DCAF17: variants seen among roughly 807,000 people sequenced by gnomAD.
DCAF17 encodes the protein DDB1- and CUL4-associated factor 17.
Under a neutral mutation model 66.0 loss-of-function variants are expected in DCAF17, and 48 were observed. The observed-to-expected ratio is 0.73, with a 90% CI of 0.58 to 0.92. The LOEUF is 0.92. Among genes scored for constraint, DCAF17 ranks in the 40% least tolerant of loss-of-function variants. DCAF17 has a pLI of 0.00. For synonymous variants in DCAF17, 206 were observed against 214.6 expected (o/e 0.96, Z 0.35); for missense variants, 562 against 622.8 (o/e 0.90, Z 1.04).
At chr2:171,469,960 A>G (rs1228539247) in intron 9 of DCAF17, among the ~76,000 whole-genome samples, 6 of 151,708 alleles carry the variant, frequency 4.0e-5, no homozygotes, top group Non-Finnish European at 8.8e-5. Context: ...AAAATCACTC[A>G]AGCTTTAATT....
intron 8 of DCAF17, among the ~76,000 whole-genome samples, chr2:171,468,039 A>ATTT (rs1696026528): frequency 6.6e-6 from 1 of 152,166 alleles, no homozygotes; most frequent in Admixed American, 6.6e-5. Context: ...ACCTGCCCAA[A>ATTT]CAGACCATGT....
At chr2:171,457,942 C>T in intron 6 of DCAF17, 29 bp from the exon 7 acceptor site, 1 of 1,540,532 alleles carries the variant, frequency 6.5e-7, no homozygotes, top group Non-Finnish European at 9.0e-7. Flanking sequence ...AGTCTTTTCT[C>T]AGGTGATATC....
chr2:171,452,654 A>G (rs986436133), intron 5 of DCAF17, among the ~76,000 whole-genome samples: 1 of 151,950 alleles, frequency 6.6e-6, no homozygotes, highest in Admixed American at 6.6e-5. Flanking sequence ...AGGTCTCACT[A>G]TTTCTACAGT....
At chr2:171,437,496 T>C (rs947080521) in intron 2 of DCAF17, among the ~76,000 whole-genome samples, 1 of 152,226 alleles carries the variant, frequency 6.6e-6, no homozygotes, top group African/African-American at 2.4e-5. Context: ...ACTGCTGCTG[T>C]GTTATTTCTT....
At chr2:171,460,869 T>G (rs1416501301) in intron 8 of DCAF17, among the ~76,000 whole-genome samples, 1 of 152,140 alleles carries the variant, frequency 6.6e-6, no homozygotes, top group East Asian at 1.9e-4. Context: ...TCTCTGGGCC[T>G]CAAATTTTGA....
Position 171,482,190 on chromosome 2 carries a change from T to G in DCAF17, c.*1076T>G. The G allele has an allele frequency of 2.2e-6, 1 of 452,466 alleles. No individual in the cohort carries two copies. The highest frequency in any genetic ancestry group is 1.6e-5 in the South Asian group (1 of 63,636). The allele number at this position is 452,466 out of a possible 1,614,324, so 28.0% of individuals were successfully genotyped here. A position where few individuals can be genotyped will look rare whatever the true frequency, so the allele number is the denominator to read the frequency against. ...AGAAAATGTTTCTTTGTGCTTCCTG[T>G]TTGAGAAATTCAGTTGCTTCCATTT... On this transcript the variant is annotated 3_prime_UTR_variant, in exon 14 of 14. Transcript: ENST00000375255.
In DCAF17 at chr2:171,468,283, T is replaced by C. The variant is rs17220817; in HGVS notation, c.839-605T>C. ...ACTACCTTAAAGTTAACTTGTCTGA[T>C]GATAATAGTGGTAGTAGTGACTATC... On this transcript the variant is annotated intron_variant, in intron 8 of 13. Transcript: ENST00000375255. Among the ~76,000 whole-genome samples the C allele has an allele frequency of 3.3e-3, 510 of 152,250 alleles. 4 individuals carry two copies. The highest frequency in any genetic ancestry group is 5.7e-3 in the Non-Finnish European group (391 of 68,010).
In DCAF17 at chr2:171,458,050, A is replaced by G. The variant is rs369174398; in HGVS notation, c.707A>G (p.Tyr236Cys). The G allele has an allele frequency of 6.6e-5, 106 of 1,613,936 alleles. No homozygotes were observed. Among genetic ancestry groups the G allele is most frequent in the Non-Finnish European group, 8.7e-5 (103 of 1,179,964 alleles). The change falls in exon 7 of 14, where the codon TAT becomes TGT. Residue 236 changes from tyrosine to cysteine, a missense_variant. Physicochemically the swap from Tyr to Cys is radical, Grantham distance 194. Transcript: ENST00000375255. ...TACAGCTCAGGACTGGTCAGACTCT[A>G]TAGCTTCCAAACCATCGCTGAACAG... Reference protein sequence around the residue: ...VMYSSGLVRLYSFQTIAEQFM... With the variant: ...VMYSSGLVRLCSFQTIAEQFM...
Position 171,473,770 on chromosome 2 carries a change from GTA to G in DCAF17, c.982-95_982-94del. 4.2e-6 allele frequency: 4 copies of G among 947,412 alleles called. No individual in the cohort carries two copies. In the South Asian group the frequency reaches 5.6e-5, roughly 13 times the overall value. The allele number at this position is 947,412 out of a possible 1,614,324, so 58.7% of individuals were successfully genotyped here. A position where few individuals can be genotyped will look rare whatever the true frequency, so the allele number is the denominator to read the frequency against. ...AACTGGTTAATATTTTTTCTTCCGT[GTA>G]CCTTTGACCTACTGATCTATCACTT... On this transcript the variant is annotated intron_variant, in intron 9 of 13. Coordinates refer to ENST00000375255, the MANE Select transcript of DCAF17 (RefSeq NM_025000.4).
chr2:171,469,011 C>A lies in DCAF17; in HGVS notation c.962C>A (p.Ala321Asp), dbSNP rs919887099. 6.2e-7 allele frequency: 1 copy of A among 1,614,020 alleles called. No homozygotes were observed. Among genetic ancestry groups the A allele is most frequent in the Non-Finnish European group, 8.5e-7 (1 of 1,179,954 alleles). The change falls in exon 9 of 14, where the codon GCC (alanine) becomes GAC (aspartate). Residue 321 changes from alanine (A) to aspartate (D), a missense_variant. Transcript: ENST00000375255. Reference sequence around the variant, plus strand: ...CAGAAAGGAGTTTTCCATATTTGTGCCCTAAAAGACAATTCCCTGGTAAAT... The same window carrying A: ...CAGAAAGGAGTTTTCCATATTTGTGACCTAAAAGACAATTCCCTGGTAAAT... Reference protein sequence around the residue: ...KKQKGVFHICALKDNSLAKNG... With the variant: ...KKQKGVFHICDLKDNSLAKNG...
rs1191874443 is a variant in DCAF17 at position 171,480,256 on chromosome 2, A to G, written c.1422+63A>G. On this transcript the variant is annotated intron_variant, in intron 13 of 13. Coordinates refer to ENST00000375255, the MANE Select transcript of DCAF17 (RefSeq NM_025000.4). ...TCCTTTATAGGTGCCATTTATTAGA[A>G]CAGATGTTATTGTGTTCATGTCAGT... is the stretch of plus-strand genomic sequence containing the variant. 1.4e-5 allele frequency: 22 copies of G among 1,581,708 alleles called. 1 individual carries two copies. Among genetic ancestry groups the G allele is most frequent in the Middle Eastern group, 3.4e-4 (2 of 5,904 alleles).
chr2:171,478,868 T>C (rs943878232), intron 12 of DCAF17, among the ~76,000 whole-genome samples: 1 of 152,198 alleles, frequency 6.6e-6, no homozygotes, highest in Non-Finnish European at 1.5e-5. Flanking sequence ...CAACATACTC[T>C]GCATATAAAA....
chr2:171,478,575 C>G (rs745431606), intron 12 of DCAF17, among the ~76,000 whole-genome samples: 4 of 152,138 alleles, frequency 2.6e-5, no homozygotes, highest in Non-Finnish European at 5.9e-5. Flanking sequence ...ATTTTTATCC[C>G]CTTCCTTTAA....
chr2:171,480,496 A>C (rs1038128980), intron 13 of DCAF17, among the ~76,000 whole-genome samples: 7 of 152,194 alleles, frequency 4.6e-5, no homozygotes, highest in African/African-American at 1.7e-4. Flanking sequence ...AATTTTTTAA[A>C]ATAAGAGAAT....
Position 171,484,471 on chromosome 2 carries a change from A to G in DCAF17, c.*3357A>G, listed in dbSNP as rs1574415735. ...ACTCTACTTGTTTTATTATTTTCCT[A>G]TCCAGCGTACTTTTTGATGGATTTC... On this transcript the variant is annotated 3_prime_UTR_variant, in exon 14 of 14. Transcript: ENST00000375255. 2.3e-6 allele frequency: 1 copy of G among 441,304 alleles called. No individual in the cohort carries two copies. Among genetic ancestry groups the G allele is most frequent in the African/African-American group, 2.0e-5 (1 of 49,266 alleles). The allele number at this position is 441,304 out of a possible 1,614,324, so 27.3% of individuals were successfully genotyped here.
chr2:171,468,831 A>G, intron 8 of DCAF17, 57 bp from the exon 9 acceptor site: 1 of 1,610,876 alleles, frequency 6.2e-7, no homozygotes, highest in Non-Finnish European at 8.5e-7. Flanking sequence ...CAGTTAATGA[A>G]TAGTCCAGAG....
In DCAF17 at chr2:171,483,708, A is replaced by G. The variant is rs1379589825; in HGVS notation, c.*2594A>G. On this transcript the variant is annotated 3_prime_UTR_variant, in exon 14 of 14. Transcript: ENST00000375255. The stretch of plus-strand genomic sequence containing the variant: ...TATCTACTAGTCACTGTGATACAGT[A>G]TAAGTAAAGTGGGTTGTCTCATTTA... 1.1e-5 allele frequency: 5 copies of G among 453,990 alleles called. No homozygotes were observed. Among genetic ancestry groups the G allele is most frequent in the Non-Finnish European group, 2.2e-5 (5 of 226,798 alleles). 28.1% of individuals were successfully genotyped at this position (453,990 alleles called of 1,614,324 possible).
At chr2:171,471,300 G>A (rs547829286) in intron 9 of DCAF17, among the ~76,000 whole-genome samples, 1 of 152,230 alleles carries the variant, frequency 6.6e-6, no homozygotes, top group South Asian at 2.1e-4. Context: ...GTAAGCAGCC[G>A]AACTTAAGAT....
intron 9 of DCAF17, among the ~76,000 whole-genome samples, chr2:171,472,177 T>G (rs976802485): frequency 6.6e-6 from 1 of 152,088 alleles, no homozygotes; most frequent in Admixed American, 6.6e-5. Flanking sequence ...ATACTTTTGG[T>G]TTTTTTGTTT....
Sources: gnomAD v4.1 joint callset for allele counts (sites outside exome capture counted in the v4.1 genomes callset) on GRCh38, gnomAD v4.1.1 for gene constraint, MANE v1.5 for transcripts, NCBI Gene and HGNC (gene_info 2026-07-23, HGNC 2026-07-21) for gene names.